The following LAMA4 variants were observed in gnomAD, a reference collection of about 807,000 sequenced individuals.
The protein encoded by LAMA4 is laminin subunit alpha-4.
LAMA4 carries 127 observed loss-of-function variants against 207.1 expected under a neutral mutation model. The observed-to-expected ratio is 0.61, with a 90% CI of 0.53 to 0.71. LAMA4 has a LOEUF of 0.71. LAMA4 is among the 30% of genes least tolerant of loss of function. The pLI is 0.00. For missense variants in LAMA4, 2,093 were observed against 2,246.5 expected, an observed-to-expected ratio of 0.93 and a Z score of 1.38; for synonymous variants, 761 against 816.0, an observed-to-expected ratio of 0.93 and a Z score of 1.15.
chr6:112,233,132 GA>G lies in LAMA4; in HGVS notation c.196-16664del, dbSNP rs546636065. Among the ~76,000 whole-genome samples, 243 of 152,312 alleles carry G rather than the reference GA, an allele frequency of 1.6e-3. 1 individual carries two copies. The highest frequency in any genetic ancestry group is 4.8e-3 in the African/African-American group (198 of 41,562). The stretch of plus-strand genomic sequence containing the variant: ...GGAGCTCCTGGAATGAGCAGCCAGG[GA>G]CACCGTGGTTGACTATTGATGTCAC... On this transcript the variant is annotated intron_variant, in intron 2 of 38. Transcript: ENST00000230538.
chr6:112,116,642 A>C (rs1453411447), intron 35 of LAMA4, among the ~76,000 whole-genome samples: 6 of 152,210 alleles, frequency 3.9e-5, no homozygotes, highest in Non-Finnish European at 7.3e-5. Flanking sequence ...ATCCAATAAA[A>C]TTCTTATTAA....
rs782024353 is a variant in LAMA4, at chr6:112,119,208, C to T, written c.4769G>A (p.Gly1590Asp). The T allele has an allele frequency of 6.8e-6, 11 of 1,614,008 alleles. No homozygotes were observed. Among genetic ancestry groups the T allele is most frequent in the Non-Finnish European group, 9.3e-6 (11 of 1,179,942 alleles). Residue 1590 changes from glycine (G) to aspartate (D), a missense_variant, in exon 34 of 39, where the codon GGT (glycine) becomes GAT (aspartate). This residue lies in a region of LAMA4 where 383 missense variants were observed against 437.8 expected (regional missense o/e 0.87). Transcript: ENST00000230538. ...AGCCACACCTCCCAAATAAATGGGA[C>T]CCTTGATTTTCCAGGTAGCTTCAGT... ...PPTEATWKIK[G>D]PIYLGGVAPG...
intron 5 of LAMA4, among the ~76,000 whole-genome samples, chr6:112,200,832 T>C (rs1268382370): frequency 2.6e-5 from 4 of 151,154 alleles, no homozygotes; most frequent in Non-Finnish European, 4.4e-5. Context: ...AGTTGAACAA[T>C]GAGAACACAT....
At chr6:112,128,815 G>A in intron 31 of LAMA4, 107 bp downstream of exon 31, 2 of 889,766 alleles carry the variant, frequency 2.2e-6, no homozygotes, top group South Asian at 2.9e-5. Context: ...TCTTTCCTAT[G>A]TACGTAGTTG....
intron 2 of LAMA4, among the ~76,000 whole-genome samples, chr6:112,226,072 T>C (rs1554362362): frequency 6.6e-6 from 1 of 152,194 alleles, no homozygotes; most frequent in Non-Finnish European, 1.5e-5. Context: ...TCTTCCTCCT[T>C]GTTCCCAATA....
Position 112,139,239 on chromosome 6 carries a change from A to G in LAMA4, c.3163T>C (p.Ser1055Pro), listed in dbSNP as rs782445461. 6 of 1,614,192 alleles carry G rather than the reference A, an allele frequency of 3.7e-6. No individual in the cohort carries two copies. In the South Asian group the frequency reaches 6.6e-5, roughly 18 times the overall value. Residue 1055 changes from serine to proline, a missense_variant, in exon 24 of 39, where the codon TCC (serine) becomes CCC (proline). Ser to Pro is a moderately conservative substitution (Grantham distance 74). Coordinates refer to ENST00000230538, the MANE Select transcript of LAMA4 (RefSeq NM_001105206.3). ...SRAASYFFDG[S>P]GYAVVRDITR... The stretch of plus-strand genomic sequence containing the variant: ...ATGTCTCTCACCACGGCATAACCGG[A>G]GCCATCGAAGAAGTAACTGGCAGCC...
At chr6:112,208,069 A>T (rs997592888) in intron 3 of LAMA4, among the ~76,000 whole-genome samples, 7 of 152,230 alleles carry the variant, frequency 4.6e-5, no homozygotes, top group African/African-American at 1.4e-4. Context: ...CTATGGGACT[A>T]TACTAGTGGT....
chr6:112,129,700 G>C (rs562753641), intron 30 of LAMA4, among the ~76,000 whole-genome samples, 176 bp downstream of exon 30: 7 of 152,050 alleles, frequency 4.6e-5, no homozygotes, highest in African/African-American at 1.7e-4. Context: ...GAAATTAAAG[G>C]GCAAAGAACC....
intron 3 of LAMA4, among the ~76,000 whole-genome samples, chr6:112,207,904 C>T (rs369563762): frequency 3.9e-5 from 6 of 152,270 alleles, no homozygotes; most frequent in African/African-American, 1.2e-4. Flanking sequence ...TATTGTAGTG[C>T]TATTATCTAT....
rs782765073 is a variant in LAMA4, at chr6:112,151,027, T to C, written c.2057-400A>G. Among the ~76,000 whole-genome samples, 52 of 152,318 alleles carry C rather than the reference T, an allele frequency of 3.4e-4. 1 individual carries two copies. Among genetic ancestry groups the C allele is most frequent in the Non-Finnish European group, 2.8e-4 (19 of 68,030 alleles). On this transcript the variant is annotated intron_variant, in intron 16 of 38. Coordinates refer to ENST00000230538, the MANE Select transcript of LAMA4 (RefSeq NM_001105206.3). ...CTTATTTGTTTCAATAAAATTTTAA[T>C]TGCAATATAACATACATCTAGAAAA...
Position 112,191,840 on chromosome 6 carries a change from C to T in LAMA4, c.514G>A (p.Gly172Ser), listed in dbSNP as rs147695488. 255 of 1,612,568 alleles carry T rather than the reference C, an allele frequency of 1.6e-4. 3 individuals carry two copies. The African/African-American group carries it at 3.0e-3, about 19-fold the overall frequency. ...AGPNCERCAP[G>S]YYGNPLLIGS... ...ATGAGTAAGGGGTTTCCATAGTAACCGGGAGCACATCTGAAGAGGAATATC... is the reference window on the plus strand; with the variant it reads ...ATGAGTAAGGGGTTTCCATAGTAACTGGGAGCACATCTGAAGAGGAATATC... Residue 172 changes from glycine (G) to serine (S), a missense_variant, in exon 6 of 39, where the codon GGT (glycine) becomes AGT (serine). Physicochemically the swap from Gly to Ser is moderately conservative, Grantham distance 56. This residue lies in a region of LAMA4 where 1,704 missense variants were observed against 1,788.4 expected (regional missense o/e 0.95). Transcript: ENST00000230538.
rs546902725 is a variant in LAMA4 at position 112,191,182 on chromosome 6, A to G, written c.718+454T>C. Among the ~76,000 whole-genome samples, 6 of 151,944 alleles carry G rather than the reference A, an allele frequency of 3.9e-5. No individual in the cohort carries two copies. The East Asian group carries it at 1.2e-3, about 29-fold the overall frequency. On this transcript the variant is annotated intron_variant, in intron 6 of 38. Transcript: ENST00000230538. Reference sequence around the variant, plus strand: ...TTTTTAGTAGAGACAAGGTTTTGCCATGTTTGCCAGGCTGGTCTCAAACTC... The same window carrying G: ...TTTTTAGTAGAGACAAGGTTTTGCCGTGTTTGCCAGGCTGGTCTCAAACTC...
chr6:112,122,468 A>G (rs1421118461), intron 31 of LAMA4, among the ~76,000 whole-genome samples: 1 of 152,216 alleles, frequency 6.6e-6, no homozygotes, highest in Non-Finnish European at 1.5e-5. Flanking sequence ...CTGAAGCTAT[A>G]GAGACAACTG....
chr6:112,204,006 T>C (rs114283997), intron 4 of LAMA4, among the ~76,000 whole-genome samples: 2 of 152,172 alleles, frequency 1.3e-5, no homozygotes, highest in Non-Finnish European at 2.9e-5. Context: ...GAAAGGAGAC[T>C]CATTCCACAG....
At chr6:112,115,542 T>C (rs1554323368) in intron 36 of LAMA4, among the ~76,000 whole-genome samples, 2 of 152,152 alleles carry the variant, frequency 1.3e-5, no homozygotes, top group African/African-American at 2.4e-5. Context: ...GTTTTAGTGT[T>C]TGTTGATTTT....
intron 4 of LAMA4, among the ~76,000 whole-genome samples, chr6:112,204,911 C>G (rs1469295116): frequency 6.6e-6 from 1 of 152,176 alleles, no homozygotes; most frequent in Non-Finnish European, 1.5e-5. Context: ...TCTGACTACT[C>G]TGACTGTTAG....
intron 2 of LAMA4, among the ~76,000 whole-genome samples, chr6:112,228,394 G>A (rs1057406182): frequency 1.3e-5 from 2 of 152,150 alleles, no homozygotes; most frequent in African/African-American, 4.8e-5. Context: ...GCTTCCTCTA[G>A]ACAAAAGGAA....
intron 14 of LAMA4, among the ~76,000 whole-genome samples, chr6:112,157,298 A>C (rs1780775394): frequency 6.9e-6 from 1 of 144,264 alleles, no homozygotes; most frequent in Admixed American, 6.8e-5. Context: ...TCATGAAACA[A>C]AGCCTTTATT....
intron 16 of LAMA4, among the ~76,000 whole-genome samples, chr6:112,152,434 C>T (rs953069248): frequency 4.6e-5 from 7 of 152,044 alleles, no homozygotes; most frequent in Non-Finnish European, 5.9e-5. Flanking sequence ...AGTCACTAGA[C>T]TGGTTATCTT....
Sources: gnomAD v4.1 joint callset for allele counts (sites outside exome capture counted in the v4.1 genomes callset) on GRCh38, gnomAD v4.1.1 for gene constraint, gnomAD v4.1.1 regional missense constraint, MANE v1.5 for transcripts, NCBI Gene and HGNC (gene_info 2026-07-23, HGNC 2026-07-21) for gene names.